The following ATXN10 variants were observed in gnomAD, a reference collection of about 807,000 sequenced individuals.
ATXN10 encodes the protein ataxin-10.
ATXN10 carries 28 observed loss-of-function variants against 52.9 expected under a neutral mutation model. The ratio of observed to expected loss-of-function variants is 0.53; its 90% CI spans 0.39 to 0.73. The LOEUF (loss-of-function observed/expected upper bound fraction) is 0.73. Ranked by LOEUF, ATXN10 falls within the 30% of genes least tolerant of loss-of-function variation. ATXN10 has a pLI of 0.00. For synonymous variants in ATXN10, 226 were observed against 221.5 expected (o/e 1.02, Z -0.18); for missense variants, 565 against 577.0 (o/e 0.98, Z 0.21).
chr22:45,760,090 G>A (rs1926328317), intron 9 of ATXN10, among the ~76,000 whole-genome samples: 1 of 152,170 alleles, frequency 6.6e-6, no homozygotes, highest in African/African-American at 2.4e-5. Context: ...ATTCCACAAC[G>A]TGGAACATCC....
rs1922917701 is a variant in ATXN10 at position 45,681,437 on chromosome 22, A to G, written c.117-8275A>G. On this transcript the variant is annotated intron_variant, in intron 1 of 11. Coordinates refer to ENST00000252934, the MANE Select transcript of ATXN10 (RefSeq NM_013236.4). The surrounding 1 kb of genome is among the most constrained non-coding windows in gnomAD (Gnocchi z 4.2). ...CCTCACCAGGACCTACAGTCTTTTGACCCTATTTCCTATTTACTACCCCTT... is the reference window on the plus strand; with the variant it reads ...CCTCACCAGGACCTACAGTCTTTTGGCCCTATTTCCTATTTACTACCCCTT... Among the ~76,000 whole-genome samples, 1 of 151,926 alleles carries G rather than the reference A, an allele frequency of 6.6e-6. No homozygotes were observed. The highest frequency in any genetic ancestry group is 2.4e-5 in the African/African-American group (1 of 41,354).
At chr22:45,812,465 T>C (rs552613049) in intron 10 of ATXN10, among the ~76,000 whole-genome samples, 1 of 152,260 alleles carries the variant, frequency 6.6e-6, no homozygotes, top group South Asian at 2.1e-4. Context: ...CATGTGTGTG[T>C]ATTTATTTAT....
chr22:45,830,758 T>G (rs990144193), intron 10 of ATXN10, among the ~76,000 whole-genome samples: 6 of 150,968 alleles, frequency 4.0e-5, no homozygotes, highest in African/African-American at 1.5e-4. Flanking sequence ...GCATTACTGA[T>G]GGGAATGTAA....
chr22:45,807,141 T>A, intron 10 of ATXN10, 119 bp downstream of exon 10: 1 of 823,342 alleles, frequency 1.2e-6, no homozygotes, highest in Non-Finnish European at 2.2e-6. Flanking sequence ...TGTTTACTTG[T>A]TCCTGAGAAC....
At position 45,700,289 on chromosome 22, in the gene ATXN10, CT is replaced by C; in HGVS notation, c.400del (p.Cys134ValfsTer6). On this transcript the variant is annotated frameshift_variant, in exon 4 of 12. Coordinates refer to ENST00000252934, the MANE Select transcript of ATXN10 (RefSeq NM_013236.4). LOFTEE classifies it high-confidence loss of function. ...ACTTTTATATATTCTTAGCTTTTCG[CT>C]GTGGCCTGCAGTTTTTAGGCAACAT... ...EQESLLTAFR[C>X]GLQFLGNIAS... 6.2e-7 allele frequency: 1 copy of C among 1,610,494 alleles called. No homozygotes were observed. Among genetic ancestry groups the C allele is most frequent in the Non-Finnish European group, 8.5e-7 (1 of 1,176,816 alleles).
intron 4 of ATXN10, among the ~76,000 whole-genome samples, chr22:45,702,183 C>T (rs1441288714): frequency 6.6e-6 from 1 of 152,096 alleles, no homozygotes; most frequent in African/African-American, 2.4e-5. Flanking sequence ...AATTGACAAT[C>T]AATATGTCAG....
chr22:45,687,942 A>G (rs1923213504), intron 1 of ATXN10, among the ~76,000 whole-genome samples: 1 of 152,146 alleles, frequency 6.6e-6, no homozygotes, highest in African/African-American at 2.4e-5. Flanking sequence ...CTGTAGTCCC[A>G]GCTACTCGGG....
chr22:45,813,455 CTTT>C (rs3884890), intron 10 of ATXN10, among the ~76,000 whole-genome samples: 3 of 134,636 alleles, frequency 2.2e-5, no homozygotes, highest in African/African-American at 8.5e-5. Flanking sequence ...TTCTTCATTT[CTTT>C]TTTTTTTTTT....
intron 10 of ATXN10, among the ~76,000 whole-genome samples, chr22:45,839,974 T>A (rs1251219580): frequency 2.0e-5 from 3 of 152,228 alleles, no homozygotes; most frequent in Non-Finnish European, 4.4e-5. Context: ...AGCAAACATT[T>A]CCCAGCACCA....
In ATXN10 at chr22:45,775,277, T is replaced by TC. The variant is rs1926910864; in HGVS notation, c.1174-31679dup. Among the ~76,000 whole-genome samples, 2 of 152,176 alleles carry TC rather than the reference T, an allele frequency of 1.3e-5. No individual in the cohort carries two copies. Among genetic ancestry groups the TC allele is most frequent in the African/African-American group, 4.8e-5 (2 of 41,438 alleles). On this transcript the variant is annotated intron_variant, in intron 9 of 11. Transcript: ENST00000252934. The surrounding 1 kb of genome is among the most constrained non-coding windows in gnomAD (Gnocchi z 4.7). ...TACTGGTCCTGGGCATGGGGCTGTG[T>TC]CCCTGTCCCTGTGTTCACATCTGGA...
At chr22:45,679,019 T>A (rs1417529034) in intron 1 of ATXN10, 1 of 152,248 alleles carries the variant, frequency 6.6e-6, no homozygotes, top group African/African-American at 2.4e-5. Flanking sequence ...TTATACACAC[T>A]CTTCATTTTC....
chr22:45,792,747 A>G (rs1240834469), intron 9 of ATXN10: 1 of 463,286 alleles, frequency 2.2e-6, no homozygotes, highest in East Asian at 5.6e-5. Context: ...AAACAAGCCA[A>G]GGTTTTTCTC....
chr22:45,747,788 T>C (rs1925790916), intron 9 of ATXN10, among the ~76,000 whole-genome samples: 1 of 151,998 alleles, frequency 6.6e-6, no homozygotes, highest in African/African-American at 2.4e-5. Context: ...TTGGGAGGAT[T>C]AAATGTGATC....
intron 9 of ATXN10, among the ~76,000 whole-genome samples, chr22:45,797,752 A>G (rs1412141350): frequency 6.6e-6 from 1 of 152,230 alleles, no homozygotes; most frequent in Non-Finnish European, 1.5e-5. Context: ...AGTCCATGTA[A>G]TCAGAAGCTG....
Position 45,844,615 on chromosome 22 carries a change from G to A in ATXN10, c.*944G>A, listed in dbSNP as rs560812554. 6.6e-6 allele frequency: 1 copy of A among 152,262 alleles called. No homozygotes were observed. Among genetic ancestry groups the A allele is most frequent in the African/African-American group, 2.4e-5 (1 of 41,538 alleles). 9.4% of individuals were successfully genotyped at this position (152,262 alleles called of 1,614,324 possible). On this transcript the variant is annotated 3_prime_UTR_variant, in exon 12 of 12. Transcript: ENST00000252934. ...TATCTATCTGTCTGCTGTATGAGAGGTAGGACTGGATTAAATGACCACTGA... is the reference window on the plus strand; with the variant it reads ...TATCTATCTGTCTGCTGTATGAGAGATAGGACTGGATTAAATGACCACTGA...
rs140594618 is a variant in ATXN10 at position 45,803,469 on chromosome 22, C to G, written c.1174-3490C>G. Among the ~76,000 whole-genome samples the G allele has an allele frequency of 7.2e-5, 11 of 152,274 alleles. No individual in the cohort carries two copies. In the East Asian group the frequency reaches 2.1e-3, roughly 29 times the overall value. ...TCTTGTGAGCCCCATGCTATATGTT[C>G]TTCTAGCCAAACAAACTATGAGCGT... On this transcript the variant is annotated intron_variant, in intron 9 of 11. Transcript: ENST00000252934.
At chr22:45,713,067 AATAG>A (rs1924311183) in intron 5 of ATXN10, among the ~76,000 whole-genome samples, 2 of 152,096 alleles carry the variant, frequency 1.3e-5, no homozygotes, top group Non-Finnish European at 2.9e-5. Context: ...GGATATGGAT[AATAG>A]ATGACCTTCA....
In ATXN10 at chr22:45,837,259, T is replaced by G. The variant is rs1279368845; in HGVS notation, c.1238-5732T>G. Among the ~76,000 whole-genome samples, 1 of 152,194 alleles carries G rather than the reference T, an allele frequency of 6.6e-6. No individual in the cohort carries two copies. Among genetic ancestry groups the G allele is most frequent in the East Asian group, 1.9e-4 (1 of 5,198 alleles). ...GTGCCAGTACTTTTTAAGGTTGGTT[T>G]GTTTATTTACTTATTTTTGAGACAG... On this transcript the variant is annotated intron_variant, in intron 10 of 11. Transcript: ENST00000252934. This position sits in a 1 kb window ranked among gnomAD's most constrained non-coding sequence, Gnocchi z 5.8.
chr22:45,786,392 T>C lies in ATXN10; in HGVS notation c.1174-20567T>C, dbSNP rs1927324745. 6.6e-6 allele frequency among the ~76,000 whole-genome samples: 1 copy of C among 152,200 alleles called. No individual in the cohort carries two copies. Among genetic ancestry groups the C allele is most frequent in the African/African-American group, 2.4e-5 (1 of 41,428 alleles). ...GGTGTCATGGGGAGCAGGGTTAGTT[T>C]ATGGGATGCAGTCTCTGACATTCTC... On this transcript the variant is annotated intron_variant, in intron 9 of 11. Coordinates refer to ENST00000252934, the MANE Select transcript of ATXN10 (RefSeq NM_013236.4). This position sits in a 1 kb window ranked among gnomAD's most constrained non-coding sequence, Gnocchi z 4.1.
Sources: gnomAD v4.1 joint callset for allele counts (sites outside exome capture counted in the v4.1 genomes callset) on GRCh38, gnomAD v4.1.1 for gene constraint, Gnocchi (gnomAD v3.1) non-coding constraint, MANE v1.5 for transcripts, NCBI Gene and HGNC (gene_info 2026-07-23, HGNC 2026-07-21) for gene names.